The following SPIDR variants were observed in gnomAD, a reference collection of about 807,000 sequenced individuals.
The protein encoded by SPIDR is scaffold protein involved in DNA repair.
SPIDR carries 93 observed loss-of-function variants against 104.6 expected under a neutral mutation model. The observed-to-expected ratio is 0.89, with a 90% CI of 0.75 to 1.06. The LOEUF is 1.06. Among genes scored for constraint, SPIDR ranks in the 50% least tolerant of loss-of-function variants. The pLI, the probability that SPIDR is intolerant of heterozygous loss-of-function variation, is 0.00. For synonymous variants in SPIDR, 431 were observed against 416.9 expected, an observed-to-expected ratio of 1.03 and a Z score of -0.41; for missense variants, 1,154 against 1,111.2, an observed-to-expected ratio of 1.04 and a Z score of -0.55.
chr8:47,577,870 T>C (rs2059300732), intron 8 of SPIDR, among the ~76,000 whole-genome samples: 1 of 152,192 alleles, frequency 6.6e-6, no homozygotes, highest in Non-Finnish European at 1.5e-5. Context: ...GGCAACCTGT[T>C]TCAACAAGGC....
intron 7 of SPIDR, among the ~76,000 whole-genome samples, chr8:47,410,912 C>T (rs782084344): frequency 5.1e-4 from 77 of 152,136 alleles, no homozygotes; most frequent in Non-Finnish European, 7.8e-4. Context: ...ACGTGGTGTT[C>T]GGTTTTTTGT....
chr8:47,592,301 G>T, intron 8 of SPIDR: 3 of 1,095,620 alleles, frequency 2.7e-6, no homozygotes, highest in South Asian at 1.2e-5. Context: ...AACTGTGTGC[G>T]GATCTGCAGT....
At chr8:47,345,808 G>A (rs1554617606) in intron 5 of SPIDR, among the ~76,000 whole-genome samples, 1 of 152,140 alleles carries the variant, frequency 6.6e-6, no homozygotes, top group Non-Finnish European at 1.5e-5. Flanking sequence ...TTTGCACATT[G>A]ATTTTGTATC....
chr8:47,609,841 T>G lies in SPIDR; in HGVS notation c.1544+10645T>G, dbSNP rs576821320. Reference sequence around the variant, plus strand: ...GTGAACTTACGGATAATATGAAAACTGCTGTGAAAGTTTTCATGCTCTTTT... The same window carrying G: ...GTGAACTTACGGATAATATGAAAACGGCTGTGAAAGTTTTCATGCTCTTTT... On this transcript the variant is annotated intron_variant, in intron 10 of 19. Coordinates refer to ENST00000297423, the MANE Select transcript of SPIDR (RefSeq NM_001080394.4). Among the ~76,000 whole-genome samples the G allele has an allele frequency of 2.8e-3, 420 of 152,322 alleles. 1 individual carries two copies. The highest frequency in any genetic ancestry group is 9.9e-3 in the African/African-American group (410 of 41,564).
At chr8:47,539,739 T>A (rs1204053765) in intron 8 of SPIDR, among the ~76,000 whole-genome samples, 2 of 151,828 alleles carry the variant, frequency 1.3e-5, no homozygotes, top group Non-Finnish European at 1.5e-5. Flanking sequence ...GTCCTTCACT[T>A]TTCTTCTTAA....
rs2059067675 is a variant in SPIDR, at chr8:47,379,471, A to G, written c.526-16905A>G. 2.0e-5 allele frequency among the ~76,000 whole-genome samples: 3 copies of G among 152,168 alleles called. No homozygotes were observed. The South Asian group carries it at 6.2e-4, about 31-fold the overall frequency. On this transcript the variant is annotated intron_variant, in intron 5 of 19. Transcript: ENST00000297423. The stretch of plus-strand genomic sequence containing the variant: ...GGTACACCTGGGAGGCGGAGGTTGT[A>G]GTGAGCCAAGATAGCATCACTGCCC...
chr8:47,501,721 G>C (rs543175684), intron 8 of SPIDR, among the ~76,000 whole-genome samples: 25 of 151,988 alleles, frequency 1.6e-4, no homozygotes, highest in East Asian at 3.9e-4. Context: ...TGTCTTGTGC[G>C]AGTTTTCAAA....
chr8:47,559,266 TAAC>T (rs2056765936), intron 8 of SPIDR, among the ~76,000 whole-genome samples: 1 of 152,342 alleles, frequency 6.6e-6, no homozygotes, highest in Admixed American at 6.5e-5. Flanking sequence ...ATTGGAATAA[TAAC>T]AATTCAGTAC....
chr8:47,316,252 G>A lies in SPIDR; in HGVS notation c.525+22222G>A, dbSNP rs1338988414. Among the ~76,000 whole-genome samples the A allele has an allele frequency of 3.3e-5, 5 of 152,166 alleles. No individual in the cohort carries two copies. In the East Asian group the frequency reaches 9.6e-4, roughly 29 times the overall value. On this transcript the variant is annotated intron_variant, in intron 5 of 19. Coordinates refer to ENST00000297423, the MANE Select transcript of SPIDR (RefSeq NM_001080394.4). The stretch of plus-strand genomic sequence containing the variant: ...AAATACAAAAGTAAACTGCAAGGAG[G>A]TGCTGCTTTACTTGTCCCATTAGCT...
intron 7 of SPIDR, among the ~76,000 whole-genome samples, chr8:47,408,595 C>G (rs952518306): frequency 1.3e-5 from 2 of 152,084 alleles, no homozygotes; most frequent in Non-Finnish European, 2.9e-5. Context: ...AGCCAGAGCA[C>G]TATTAGTCAA....
chr8:47,475,255 G>C (rs2076147653), intron 8 of SPIDR, among the ~76,000 whole-genome samples: 1 of 152,220 alleles, frequency 6.6e-6, no homozygotes, highest in African/African-American at 2.4e-5. Flanking sequence ...AAGACAGGCT[G>C]TTAGCACACC....
chr8:47,473,611 A>G (rs1348881673), intron 8 of SPIDR, among the ~76,000 whole-genome samples: 1 of 152,126 alleles, frequency 6.6e-6, no homozygotes, highest in African/African-American at 2.4e-5. Context: ...GGTGCCTTCC[A>G]CACGCGTCTA....
rs1465048689 is a variant in SPIDR, at chr8:47,674,039, A to G, written c.1685+98A>G. 5.6e-6 allele frequency: 8 copies of G among 1,434,824 alleles called. No homozygotes were observed. In the East Asian group the frequency reaches 1.5e-4, roughly 27 times the overall value. The allele number at this position is 1,434,824 out of a possible 1,614,324, so 88.9% of individuals were successfully genotyped here. On this transcript the variant is annotated intron_variant, in intron 11 of 19. Transcript: ENST00000297423. The stretch of plus-strand genomic sequence containing the variant: ...TTTATTTTTAAAATTAAAAGGCAAT[A>G]AACCAGGATCCTAGAGTTTGCCCAT...
intron 8 of SPIDR, among the ~76,000 whole-genome samples, chr8:47,588,303 T>C (rs573542946): frequency 6.6e-6 from 1 of 150,432 alleles, no homozygotes; most frequent in Admixed American, 6.6e-5. Flanking sequence ...AGATTCACAC[T>C]GACATGGGTT....
intron 8 of SPIDR, among the ~76,000 whole-genome samples, chr8:47,535,061 C>T (rs1157873472): frequency 6.6e-6 from 1 of 152,030 alleles, no homozygotes; most frequent in Non-Finnish European, 1.5e-5. Context: ...AGACCAATTA[C>T]GTGAAAGACA....
At chr8:47,464,062 A>T (rs1554715451) in intron 8 of SPIDR, among the ~76,000 whole-genome samples, 1 of 151,954 alleles carries the variant, frequency 6.6e-6, no homozygotes, top group Non-Finnish European at 1.5e-5. Flanking sequence ...AAAGAAAATT[A>T]TCTCTATTCA....
chr8:47,347,797 G>C (rs868992768), intron 5 of SPIDR, among the ~76,000 whole-genome samples: 1 of 151,958 alleles, frequency 6.6e-6, no homozygotes, highest in African/African-American at 2.4e-5. Context: ...TTTTCCGTTT[G>C]CTTGGTAGAT....
rs567164063 is a variant in SPIDR at position 47,485,045 on chromosome 8, G to A, written c.1097+44503G>A. On this transcript the variant is annotated intron_variant, in intron 8 of 19. Coordinates refer to ENST00000297423, the MANE Select transcript of SPIDR (RefSeq NM_001080394.4). ...CACCAAGCGTGAGCTGAAGCAGGGC[G>A]AGGCATGGCCTCACCCGGGAAGTGC... Among the ~76,000 whole-genome samples the A allele has an allele frequency of 1.3e-3, 204 of 152,328 alleles. 1 individual carries two copies. The highest frequency in any genetic ancestry group is 1.9e-3 in the Non-Finnish European group (131 of 68,012).
chr8:47,494,755 C>T (rs1198563342), intron 8 of SPIDR, among the ~76,000 whole-genome samples: 1 of 152,172 alleles, frequency 6.6e-6, no homozygotes, highest in South Asian at 2.1e-4. Flanking sequence ...GACCTTCCTC[C>T]TCCCCTCTTG....
Sources: gnomAD v4.1 joint callset for allele counts (sites outside exome capture counted in the v4.1 genomes callset) on GRCh38, gnomAD v4.1.1 for gene constraint, MANE v1.5 for transcripts, NCBI Gene and HGNC (gene_info 2026-07-23, HGNC 2026-07-21) for gene names.